TANGO2: variants seen among roughly 807,000 people sequenced by gnomAD.
TANGO2 encodes the protein transport and golgi organization 2 homolog.
TANGO2 carries 26 observed loss-of-function variants against 39.1 expected under a neutral mutation model. The ratio of observed to expected loss-of-function variants is 0.67; its 90% CI spans 0.49 to 0.92. TANGO2 has a LOEUF of 0.92. Among genes scored for constraint, TANGO2 ranks in the 40% least tolerant of loss-of-function variants. The probability of loss-of-function intolerance (pLI) is 0.00; values close to 1 mark genes in which losing one functional copy is unlikely to be tolerated. For synonymous variants in TANGO2, 131 were observed against 144.5 expected (o/e 0.91, Z 0.67); for missense variants, 326 against 360.1 (o/e 0.91, Z 0.77).
At chr22:20,020,251 G>T (rs1383978368), upstream of TANGO2, among the ~76,000 whole-genome samples, 2 of 152,224 alleles carry the variant, frequency 1.3e-5, no homozygotes. Flanking sequence ...TATCCCTAAT[G>T]TCTTTGTCAT....
At chr22:20,037,932 C>CA (rs1601999631) in intron 2 of TANGO2, among the ~76,000 whole-genome samples, 1 of 152,082 alleles carries the variant, frequency 6.6e-6, no homozygotes, top group Non-Finnish European at 1.5e-5. Flanking sequence ...TAAAAACACA[C>CA]AAAAAAATTA....
At chr22:20,047,673 C>T (rs973654453) in intron 3 of TANGO2, among the ~76,000 whole-genome samples, 1 of 152,100 alleles carries the variant, frequency 6.6e-6, no homozygotes, top group African/African-American at 2.4e-5. Context: ...GCCTGGTCCC[C>T]CCACTCCCTG....
intron 1 of TANGO2, among the ~76,000 whole-genome samples, chr22:20,034,035 G>A (rs569745668): frequency 6.6e-6 from 1 of 152,062 alleles, no homozygotes; most frequent in African/African-American, 2.4e-5. Flanking sequence ...GAGAAACCCC[G>A]TCTCCACTAA....
chr22:20,028,218 C>T (rs5748507), intron 1 of TANGO2, among the ~76,000 whole-genome samples: 46,390 of 152,160 alleles, frequency 0.3, 7,665 homozygotes, highest in Non-Finnish European at 0.38. Flanking sequence ...CTCAAGCCAT[C>T]CTCCTACCTC....
intron 3 of TANGO2, among the ~76,000 whole-genome samples, 176 bp downstream of exon 3, chr22:20,043,619 G>A (rs939807042): frequency 6.6e-5 from 10 of 152,216 alleles, no homozygotes; most frequent in Non-Finnish European, 1.5e-5. Context: ...TGCCAGAGCT[G>A]CCCACCCAGC....
chr22:20,041,784 T>C (rs1217222612), intron 2 of TANGO2, among the ~76,000 whole-genome samples: 1 of 152,198 alleles, frequency 6.6e-6, no homozygotes, highest in Non-Finnish European at 1.5e-5. Flanking sequence ...TGAATGTCTG[T>C]TATTTCACAT....
In TANGO2 at chr22:20,066,424, AC is replaced by A. The variant is rs1467609295; in HGVS notation, c.*1765del. On this transcript the variant is annotated 3_prime_UTR_variant, in exon 9 of 9. Transcript: ENST00000327374. ...CCAACCCCTAACTTGGCCTTTTCAG[AC>A]CCATGAGAGTGCAGGGTGGGTGTGG... The A allele has an allele frequency of 6.6e-6, 1 of 152,236 alleles. No homozygotes were observed. The highest frequency in any genetic ancestry group is 1.5e-5 in the Non-Finnish European group (1 of 68,102). The allele number at this position is 152,236 out of a possible 1,614,324, so 9.4% of individuals were successfully genotyped here. A position where few individuals can be genotyped will look rare whatever the true frequency, so the allele number is the denominator to read the frequency against.
chr22:20,037,309 C>G (rs927611040), intron 2 of TANGO2, among the ~76,000 whole-genome samples: 1 of 152,202 alleles, frequency 6.6e-6, no homozygotes, highest in South Asian at 2.1e-4. Flanking sequence ...AGAGGGGACG[C>G]TGAGGACCAG....
Position 20,057,334 on chromosome 22 carries a change from C to T in TANGO2, c.451+1321C>T, listed in dbSNP as rs1025931578. ...TTCATCCACAGATAGGCCCAGCCCC[C>T]ATTTGCTAGGGTGGTGCCCAGACCC... On this transcript the variant is annotated intron_variant, in intron 6 of 8. Transcript: ENST00000327374. The surrounding 1 kb of genome is among the most constrained non-coding windows in gnomAD (Gnocchi z 4.1). Among the ~76,000 whole-genome samples the T allele has an allele frequency of 6.6e-6, 1 of 152,192 alleles. No individual in the cohort carries two copies. Among genetic ancestry groups the T allele is most frequent in the African/African-American group, 2.4e-5 (1 of 41,460 alleles).
intron 1 of TANGO2, among the ~76,000 whole-genome samples, chr22:20,034,208 A>AC (rs11433771): frequency 0.39 from 59,593 of 151,746 alleles, 12,021 homozygotes; most frequent in African/African-American, 0.49. Context: ...AACAACAACA[A>AC]AAAAAAACCG....
At chr22:20,022,740 G>A (rs914303703) in intron 1 of TANGO2, among the ~76,000 whole-genome samples, 12 of 152,256 alleles carry the variant, frequency 7.9e-5, no homozygotes, top group African/African-American at 2.9e-4. Flanking sequence ...CCCACCCAAG[G>A]GTGCTGCTTC....
At chr22:20,038,261 T>G (rs1400213396) in intron 2 of TANGO2, among the ~76,000 whole-genome samples, 1 of 152,120 alleles carries the variant, frequency 6.6e-6, no homozygotes, top group Admixed American at 6.5e-5. Flanking sequence ...ATCTTGGATC[T>G]CCAGCATCCA....
At chr22:20,032,497 A>G (rs950836569) in intron 1 of TANGO2, among the ~76,000 whole-genome samples, 1 of 152,202 alleles carries the variant, frequency 6.6e-6, no homozygotes, top group Admixed American at 6.5e-5. Flanking sequence ...CTCTTCCTCC[A>G]GCTGCTCTTT....
At chr22:20,056,913 G>GCTCACA in intron 6 of TANGO2, 1 of 456,624 alleles carries the variant, frequency 2.2e-6, no homozygotes. Flanking sequence ...CAAGCTGCTG[G>GCTCACA]CTCACACAGG....
upstream of TANGO2, chr22:20,017,285 A>G (rs1375853273): frequency 6.6e-6 from 1 of 152,266 alleles, no homozygotes; most frequent in Non-Finnish European, 1.5e-5. Context: ...GCCGCGAGAG[A>G]GAGTTCTGCT....
At chr22:20,064,038 G>A (rs777078667) in intron 8 of TANGO2, among the ~76,000 whole-genome samples, 21 of 152,366 alleles carry the variant, frequency 1.4e-4, no homozygotes, top group Admixed American at 5.2e-4. Context: ...GGCAGAGAGG[G>A]TTGGAGGAGA....
In TANGO2 at chr22:20,036,871, G is replaced by C; in HGVS notation, c.56+17G>C. On this transcript the variant is annotated intron_variant, in intron 2 of 8. Coordinates refer to ENST00000327374, the MANE Select transcript of TANGO2 (RefSeq NM_152906.7). ...CGCGTACAGGTAACCCCCTCGCTCT[G>C]CATCTGCTGCGCCCTGCAGGGTCCT... is the stretch of plus-strand genomic sequence containing the variant. The C allele has an allele frequency of 6.2e-7, 1 of 1,614,204 alleles. No homozygotes were observed. Among genetic ancestry groups the C allele is most frequent in the Non-Finnish European group, 8.5e-7 (1 of 1,180,040 alleles).
intron 1 of TANGO2, among the ~76,000 whole-genome samples, chr22:20,032,724 T>G (rs1184883576): frequency 6.6e-6 from 1 of 152,144 alleles, no homozygotes; most frequent in Non-Finnish European, 1.5e-5. Context: ...GTTGGCCAAT[T>G]CGGGCAACCT....
chr22:20,052,565 C>G lies in TANGO2; in HGVS notation c.246C>G (p.Asp82Glu). The change falls in exon 4 of 9, where the codon GAC (aspartate) becomes GAG (glutamate). Residue 82 changes from aspartate (D) to glutamate (E), a missense_variant. Transcript: ENST00000327374. ...ALTNYLQPQL[D>E]WQARGRGELV... The stretch of plus-strand genomic sequence containing the variant: ...CCAACTACCTGCAGCCGCAGCTGGA[C>G]TGGCAGGCCCGAGGGCGAGGTAAGG... The G allele has an allele frequency of 6.4e-7, 1 of 1,571,216 alleles. No individual in the cohort carries two copies. Among genetic ancestry groups the G allele is most frequent in the Non-Finnish European group, 8.6e-7 (1 of 1,158,574 alleles).
Sources: gnomAD v4.1 joint callset for allele counts (sites outside exome capture counted in the v4.1 genomes callset) on GRCh38, gnomAD v4.1.1 for gene constraint, Gnocchi (gnomAD v3.1) non-coding constraint, MANE v1.5 for transcripts, NCBI Gene and HGNC (gene_info 2026-07-23, HGNC 2026-07-21) for gene names.